Variants in NNMT observed in about 807,000 individuals in gnomAD.
NNMT encodes the protein nicotinamide N-methyltransferase.
Under a neutral mutation model 11.7 loss-of-function variants are expected in NNMT, and 10 were observed. The observed-to-expected ratio is 0.85, with a 90% CI of 0.53 to 1.45. The LOEUF is 1.45. Among genes scored for constraint, NNMT ranks in the 40% most tolerant of loss-of-function variants. The pLI is 0.00. For synonymous variants in NNMT, 143 were observed against 133.8 expected (o/e 1.07, Z -0.48); for missense variants, 381 against 319.4 (o/e 1.19, Z -1.47).
intron 2 of NNMT, among the ~76,000 whole-genome samples, chr11:114,276,107 G>GGC (rs1945211261): frequency 3.5e-5 from 5 of 142,278 alleles, no homozygotes; most frequent in Non-Finnish European, 4.5e-5. Flanking sequence ...GTTTCAGGCT[G>GGC]CCCCCCCACC....
chr11:114,293,635 A>G (rs552721945), upstream of NNMT, among the ~76,000 whole-genome samples: 29 of 151,710 alleles, frequency 1.9e-4, no homozygotes, highest in South Asian at 6.1e-3. Flanking sequence ...AAGGCAGACA[A>G]TAACAAATGC....
upstream of NNMT, among the ~76,000 whole-genome samples, chr11:114,291,697 G>A (rs533669518): frequency 1.3e-5 from 2 of 152,052 alleles, no homozygotes; most frequent in Non-Finnish European, 2.9e-5. Flanking sequence ...GCTTTTTGAT[G>A]CTTGGTTCTG....
intron 2 of NNMT, among the ~76,000 whole-genome samples, chr11:114,276,400 G>A (rs978003997): frequency 3.3e-5 from 5 of 152,168 alleles, no homozygotes; most frequent in Non-Finnish European, 7.3e-5. Flanking sequence ...GACTGATGCA[G>A]CAGACTTGGT....
rs145799153 is a variant in NNMT, at chr11:114,313,461, C to T, written c.*984C>T. Among the ~76,000 whole-genome samples the T allele has an allele frequency of 1.1e-3, 167 of 151,756 alleles. No individual in the cohort carries two copies. The highest frequency in any genetic ancestry group is 7.6e-3 in the East Asian group (39 of 5,162). ...GCACCACTGTGTTCCAGACAGAGTGCGATGCTGTCTCGAAAAAAGTAAAAT... is the reference window on the plus strand; with the variant it reads ...GCACCACTGTGTTCCAGACAGAGTGTGATGCTGTCTCGAAAAAAGTAAAAT... On this transcript the variant is annotated 3_prime_UTR_variant, in exon 3 of 3. Transcript: ENST00000299964.
At chr11:114,262,470 G>A (rs1049308940) in intron 1 of NNMT, among the ~76,000 whole-genome samples, 7 of 151,916 alleles carry the variant, frequency 4.6e-5, no homozygotes, top group Admixed American at 2.6e-4. Flanking sequence ...GTTTTTTGTC[G>A]AACTGCCCTT....
chr11:114,262,860 CAT>C (rs1230161348), exon 2 of NNMT: 4 of 152,188 alleles, frequency 2.6e-5, no homozygotes, highest in African/African-American at 9.7e-5. Context: ...TGGTCTTCAG[CAT>C]AGAGTGAGCT....
intron 2 of NNMT, chr11:114,270,286 T>C (rs1414597619): frequency 6.6e-6 from 1 of 152,232 alleles, no homozygotes; most frequent in Non-Finnish European, 1.5e-5. Flanking sequence ...ATTAATTACA[T>C]TTTAATATCT....
At chr11:114,301,679 T>G (rs1335313364) in intron 2 of NNMT, among the ~76,000 whole-genome samples, 5 of 152,020 alleles carry the variant, frequency 3.3e-5, no homozygotes, top group Admixed American at 2.0e-4. Context: ...TGTACAGTAC[T>G]ATAATGGTGG....
At chr11:114,267,938 G>A (rs111486222) in intron 2 of NNMT, among the ~76,000 whole-genome samples, 9 of 152,262 alleles carry the variant, frequency 5.9e-5, no homozygotes, top group African/African-American at 1.9e-4. Flanking sequence ...TTTGAATTAA[G>A]AGCCAAATCA....
At chr11:114,261,877 C>A (rs747237663) in intron 1 of NNMT, among the ~76,000 whole-genome samples, 1 of 152,168 alleles carries the variant, frequency 6.6e-6, no homozygotes, top group African/African-American at 2.4e-5. Context: ...TGTCAGTCAG[C>A]CCTAACCCCA....
chr11:114,306,119 A>G (rs1165820053), intron 2 of NNMT, among the ~76,000 whole-genome samples: 2 of 152,052 alleles, frequency 1.3e-5, no homozygotes, highest in East Asian at 3.9e-4. Context: ...GCATTTTTTC[A>G]TGTGTCTGTT....
intron 2 of NNMT, among the ~76,000 whole-genome samples, chr11:114,277,272 A>T (rs71486257): frequency 2.0e-5 from 3 of 152,158 alleles, no homozygotes; most frequent in Non-Finnish European, 4.4e-5. Context: ...AAAGAAATGG[A>T]CATAATAATA....
At chr11:114,276,107 G>GCCCCC (rs35929563) in intron 2 of NNMT, among the ~76,000 whole-genome samples, 357 of 142,274 alleles carry the variant, frequency 2.5e-3, no homozygotes, top group African/African-American at 4.8e-3. Context: ...GTTTCAGGCT[G>GCCCCC]CCCCCCCACC....
intron 2 of NNMT, among the ~76,000 whole-genome samples, chr11:114,283,285 G>A (rs1394234032): frequency 6.6e-6 from 1 of 152,152 alleles, no homozygotes; most frequent in Non-Finnish European, 1.5e-5. Flanking sequence ...CTGGGGGTGT[G>A]GATAAATAAA....
At chr11:114,302,382 T>G (rs1945446963) in intron 2 of NNMT, among the ~76,000 whole-genome samples, 1 of 152,172 alleles carries the variant, frequency 6.6e-6, no homozygotes. Context: ...TTCTAGGAAT[T>G]GCAATATGCA....
chr11:114,266,090 T>C (rs11214921), intron 2 of NNMT, among the ~76,000 whole-genome samples: 36,726 of 152,036 alleles, frequency 0.24, 4,599 homozygotes, highest in East Asian at 0.4. Context: ...ACCCAAATTT[T>C]TGGATTTTCC....
chr11:114,312,106 G>A lies in NNMT; in HGVS notation c.424G>A (p.Asp142Asn). The A allele has an allele frequency of 6.2e-7, 1 of 1,611,990 alleles. No homozygotes were observed. The highest frequency in any genetic ancestry group is 8.5e-7 in the Non-Finnish European group (1 of 1,178,576). ...RQAVKQVLKC[D>N]VTQSQPLGAV... is the part of the protein sequence containing the mutation. ...GGCGGTCAAGCAGGTGCTGAAGTGTGATGTGACTCAGAGCCAGCCACTGGG... is the reference window on the plus strand; with the variant it reads ...GGCGGTCAAGCAGGTGCTGAAGTGTAATGTGACTCAGAGCCAGCCACTGGG... Residue 142 changes from aspartate (D) to asparagine (N), a missense_variant, in exon 3 of 3, where the codon GAT (aspartate) becomes AAT (asparagine). Coordinates refer to ENST00000299964, the MANE Select transcript of NNMT (RefSeq NM_006169.3).
At position 114,276,441 on chromosome 11, in the gene NNMT, C is replaced by T. The variant is rs528101521; in HGVS notation, c.-130+13507C>T. ...CTAGGAGTGCACAGGGGCAGGATTTCCAGATGCCATCCTGCTACCTCATTT... is the reference window on the plus strand; with the variant it reads ...CTAGGAGTGCACAGGGGCAGGATTTTCAGATGCCATCCTGCTACCTCATTT... On this transcript the variant is annotated intron_variant, in intron 2 of 4. Transcript: ENST00000535401. Among the ~76,000 whole-genome samples the T allele has an allele frequency of 2.0e-5, 3 of 152,276 alleles. No homozygotes were observed. In the East Asian group the frequency reaches 5.8e-4, roughly 29 times the overall value.
At chr11:114,282,687 C>T (rs568104607) in intron 2 of NNMT, among the ~76,000 whole-genome samples, 6 of 152,234 alleles carry the variant, frequency 3.9e-5, no homozygotes, top group East Asian at 1.9e-4. Context: ...CAATCTCCTC[C>T]GAGAGCTCTC....
Sources: allele counts gnomAD v4.1 joint callset (sites outside exome capture counted in the v4.1 genomes callset), GRCh38; gene constraint gnomAD v4.1.1; transcripts MANE v1.5; gene names NCBI Gene and HGNC (gene_info 2026-07-23, HGNC 2026-07-21).